BCOR: variants seen among roughly 807,000 people sequenced by gnomAD.
The protein encoded by BCOR is BCL-6 corepressor.
A neutral mutation model predicts 86.7 loss-of-function variants in BCOR; 10 were observed. That is an observed-to-expected ratio of 0.12 (90% CI 0.07 to 0.20). The LOEUF (loss-of-function observed/expected upper bound fraction) is 0.20. BCOR is among the 10% of genes least tolerant of loss of function. The pLI is 1.00. For synonymous variants in BCOR, 611 were observed against 609.0 expected (o/e 1.00, Z -0.05); for missense variants, 1,259 against 1,452.1 (o/e 0.87, Z 2.16).
chrX:40,121,263 T>C (rs923285698), intron 1 of BCOR, among the ~76,000 whole-genome samples: 10 of 111,572 alleles, frequency 9.0e-5, no homozygotes, highest in Non-Finnish European at 1.7e-4. Context: ...CATCCAGCCG[T>C]TGCCACCGGG....
chrX:40,095,928 C>A (rs1010624611), intron 1 of BCOR, among the ~76,000 whole-genome samples: 3 of 112,603 alleles, frequency 2.7e-5, no homozygotes, highest in Non-Finnish European at 3.8e-5. Context: ...CTCGAGCGTG[C>A]GAGCGGCGGG....
At chrX:40,143,824 C>T (rs938170498) in intron 1 of BCOR, among the ~76,000 whole-genome samples, 4 of 111,908 alleles carry the variant, frequency 3.6e-5, no homozygotes, top group Non-Finnish European at 5.6e-5. Flanking sequence ...GGCCTGGTGG[C>T]GCGTGCCTGG....
At chrX:40,105,131 C>T (rs1284919074) in intron 1 of BCOR, among the ~76,000 whole-genome samples, 3 of 111,084 alleles carry the variant, frequency 2.7e-5, no homozygotes, top group Non-Finnish European at 5.7e-5. Context: ...GGAGGGGGTG[C>T]TGGGAGGCGC....
rs765273275 is a variant in BCOR, at chrX:40,064,312, G to A, written c.3502+24C>T. 2.5e-6 allele frequency: 3 copies of A among 1,211,999 alleles called. No individual in the cohort carries two copies. The South Asian group carries it at 5.3e-5, about 21-fold the overall frequency. ...CATGCAAAGGCCCACCCCCCGGCAG[G>A]CGGGCGAAGCAGACAGGGCTCACCT... On this transcript the variant is annotated intron_variant, in intron 7 of 14. Transcript: ENST00000378444.
intron 10 of BCOR, among the ~76,000 whole-genome samples, chrX:40,059,013 C>T (rs1342703206): frequency 6.2e-5 from 7 of 112,086 alleles, no homozygotes; most frequent in Non-Finnish European, 7.5e-5. Flanking sequence ...TCCCGGCAGC[C>T]GGCCTGGTGT....
intron 1 of BCOR, among the ~76,000 whole-genome samples, chrX:40,106,885 C>A (rs34913907): frequency 3.0e-4 from 33 of 110,631 alleles, no homozygotes; most frequent in African/African-American, 8.9e-4. Context: ...CACAGAGCCG[C>A]CGGCCTCCCG....
chrX:40,168,477 G>A (rs1316189997), intron 1 of BCOR, among the ~76,000 whole-genome samples: 1 of 113,246 alleles, frequency 8.8e-6, no homozygotes, highest in East Asian at 2.8e-4. Flanking sequence ...CTTGGTCCGG[G>A]TGGGGCACAA....
intron 1 of BCOR, among the ~76,000 whole-genome samples, chrX:40,095,004 C>G (rs1309310575): frequency 8.9e-6 from 1 of 112,676 alleles, no homozygotes; most frequent in Non-Finnish European, 1.9e-5. Context: ...GCCCCAGCCG[C>G]GACTTGCCGG....
At chrX:40,155,066 A>C (rs1465917890) in intron 1 of BCOR, among the ~76,000 whole-genome samples, 2 of 91,217 alleles carry the variant, frequency 2.2e-5, no homozygotes, top group South Asian at 6.0e-4. Flanking sequence ...GCGGGAGGGG[A>C]GGGGGTCGGG....
At chrX:40,123,360 CT>C (rs35144455) in intron 1 of BCOR, among the ~76,000 whole-genome samples, 31 of 102,267 alleles carry the variant, frequency 3.0e-4, no homozygotes, top group East Asian at 1.5e-3. Context: ...CTTAAGCACA[CT>C]TTTTTTTTTT....
intron 6 of BCOR, among the ~76,000 whole-genome samples, chrX:40,065,099 C>T (rs1935133530): frequency 1.8e-5 from 2 of 111,401 alleles, no homozygotes; most frequent in Non-Finnish European, 1.9e-5. Context: ...CTAGGCCAAC[C>T]GGGGAGATGA....
intron 1 of BCOR, among the ~76,000 whole-genome samples, chrX:40,094,296 C>T (rs1936751917): frequency 8.9e-6 from 1 of 112,499 alleles, no homozygotes; most frequent in African/African-American, 3.2e-5. Flanking sequence ...CCTGTCTAGA[C>T]CGATCTATCA....
chrX:40,119,678 G>A (rs892457311), intron 1 of BCOR, among the ~76,000 whole-genome samples: 1 of 110,571 alleles, frequency 9.0e-6, no homozygotes, highest in African/African-American at 3.3e-5. Flanking sequence ...AGTTATCCTT[G>A]GAGATGGGGA....
chrX:40,148,569 C>A (rs1297560222), intron 1 of BCOR, among the ~76,000 whole-genome samples: 2 of 111,246 alleles, frequency 1.8e-5, no homozygotes, highest in African/African-American at 6.5e-5. Flanking sequence ...GGGGAGGAGG[C>A]CCATGTCTGA....
At position 40,072,716 on chromosome X, in the gene BCOR, G is replaced by A; in HGVS notation, c.2630C>T (p.Thr877Ile). The A allele has an allele frequency of 8.3e-7, 1 of 1,211,884 alleles. No individual in the cohort carries two copies. Among genetic ancestry groups the A allele is most frequent in the Non-Finnish European group, 1.1e-6 (1 of 895,552 alleles). Reference sequence around the variant, plus strand: ...TGCCAGAACACTGTCCTTGCTTACGGTGAAGACTGGCTGTTTGAAAGTATA... The same window carrying A: ...TGCCAGAACACTGTCCTTGCTTACGATGAAGACTGGCTGTTTGAAAGTATA... ...ETYTFKQPVF[T>I]VSKDSVLAGT... Residue 877 changes from threonine to isoleucine, a missense_variant, in exon 4 of 15, where the codon ACC becomes ATC. Physicochemically the swap from Thr to Ile is moderately conservative, Grantham distance 89 (BLOSUM62 -1). Coordinates refer to ENST00000378444, the MANE Select transcript of BCOR (RefSeq NM_001123385.2).
chrX:40,167,218 A>G (rs1938523346), intron 1 of BCOR, among the ~76,000 whole-genome samples: 1 of 112,849 alleles, frequency 8.9e-6, no homozygotes, highest in South Asian at 3.6e-4. Context: ...AAAAACCTCA[A>G]CGTTTGCTTT....
chrX:40,153,308 C>T (rs763025040), intron 1 of BCOR, among the ~76,000 whole-genome samples: 2 of 112,796 alleles, frequency 1.8e-5, no homozygotes, highest in African/African-American at 6.4e-5. Context: ...CCAGGGGGCA[C>T]CCCCACCCTC....
chrX:40,063,170 G>C (rs1934996858), intron 8 of BCOR, 99 bp from the exon 9 acceptor site: 2 of 583,607 alleles, frequency 3.4e-6, no homozygotes, highest in Non-Finnish European at 2.7e-6. Context: ...AAAGCCCATT[G>C]TTAACACTGA....
In BCOR at chrX:40,114,849, C is replaced by CTTCT. The variant is rs1555930637; in HGVS notation, c.-40-36881_-40-36880insAGAA. ...CCTATGGCTTAGGTATTACCATTCA[C>CTTCT]TTTTTTTTTTTTTTTTTTTTTGAGT... On this transcript the variant is annotated intron_variant, in intron 1 of 14. Transcript: ENST00000342274. 4.7e-5 allele frequency among the ~76,000 whole-genome samples: 4 copies of CTTCT among 85,080 alleles called. No homozygotes were observed. In the East Asian group the frequency reaches 1.8e-3, roughly 38 times the overall value. 73.9% of individuals were successfully genotyped at this position (85,080 alleles called of 115,157 possible).
Sources: allele counts gnomAD v4.1 joint callset (sites outside exome capture counted in the v4.1 genomes callset), GRCh38; gene constraint gnomAD v4.1.1; transcripts MANE v1.5; gene names NCBI Gene and HGNC (gene_info 2026-07-23, HGNC 2026-07-21).